Variants in NFIB observed in about 807,000 individuals in gnomAD.
NFIB encodes nuclear factor 1 B-type.
A neutral mutation model predicts 61.5 loss-of-function variants in NFIB; 11 were observed. The observed-to-expected ratio is 0.18, with a 90% CI of 0.11 to 0.30. The LOEUF (loss-of-function observed/expected upper bound fraction) is 0.30, where lower values mean the gene tolerates loss of function less well. Ranked by LOEUF, NFIB falls within the 10% of genes least tolerant of loss-of-function variation. The pLI is 1.00. For synonymous variants in NFIB, 260 were observed against 216.5 expected (o/e 1.20, Z -1.76); for missense variants, 471 against 608.9 (o/e 0.77, Z 2.38).
chr9:14,471,054 T>A, the NFIB span, among the ~76,000 whole-genome samples: 1 of 152,242 alleles, frequency 6.6e-6, no homozygotes, highest in Admixed American at 6.5e-5. Context: ...TCCATATGTA[T>A]TGATATTCTT....
chr9:14,177,746 G>C (rs895653831), intron 3 of NFIB, among the ~76,000 whole-genome samples: 1 of 152,080 alleles, frequency 6.6e-6, no homozygotes, highest in African/African-American at 2.4e-5. Flanking sequence ...AAAAAGGTTT[G>C]AGTTCCAAGG....
chr9:14,402,238 T>C (rs1044923359), upstream of NFIB, among the ~76,000 whole-genome samples: 3 of 152,192 alleles, frequency 2.0e-5, no homozygotes, highest in African/African-American at 7.2e-5. Flanking sequence ...CATTGCCACC[T>C]CAAACTACAT....
At chr9:14,153,489 C>T (rs1342078193) in intron 4 of NFIB, among the ~76,000 whole-genome samples, 4 of 152,084 alleles carry the variant, frequency 2.6e-5, no homozygotes, top group African/African-American at 4.8e-5. Context: ...CCGATATCCT[C>T]TTAGAAATGA....
chr9:14,416,718 A>T, the NFIB span, among the ~76,000 whole-genome samples: 6 of 151,960 alleles, frequency 3.9e-5, no homozygotes, highest in African/African-American at 1.4e-4. Context: ...AAAAAATTTT[A>T]ATATAAATGT....
At chr9:14,372,064 T>A (rs571443292) in intron 1 of NFIB, among the ~76,000 whole-genome samples, 2 of 151,080 alleles carry the variant, frequency 1.3e-5, no homozygotes, top group African/African-American at 2.4e-5. Flanking sequence ...GTAAGGACCA[T>A]CCCAATCTCA....
chr9:14,299,005 G>C (rs1283184185), intron 2 of NFIB, among the ~76,000 whole-genome samples: 1 of 152,180 alleles, frequency 6.6e-6, no homozygotes, highest in East Asian at 1.9e-4. Flanking sequence ...AGAAACTGCA[G>C]ATGTCAGAAT....
intron 2 of NFIB, among the ~76,000 whole-genome samples, chr9:14,227,838 G>A (rs534439166): frequency 4.6e-5 from 7 of 152,212 alleles, no homozygotes; most frequent in African/African-American, 1.2e-4. Flanking sequence ...CTGCAGAGAG[G>A]AACCTTCTGA....
At chr9:14,133,675 A>G (rs929745566) in intron 6 of NFIB, among the ~76,000 whole-genome samples, 1 of 152,172 alleles carries the variant, frequency 6.6e-6, no homozygotes, top group Non-Finnish European at 1.5e-5. Context: ...CCTGGGATAA[A>G]CAGTGTTGAA....
At chr9:14,151,662 T>C (rs1010876474) in intron 4 of NFIB, among the ~76,000 whole-genome samples, 34 of 152,134 alleles carry the variant, frequency 2.2e-4, no homozygotes, top group African/African-American at 8.2e-4. Context: ...AGGGAGGTCA[T>C]TCTAAACAGG....
At chr9:14,133,930 G>GGAGA (rs34154736) in intron 6 of NFIB, among the ~76,000 whole-genome samples, 36 of 151,928 alleles carry the variant, frequency 2.4e-4, no homozygotes, top group African/African-American at 8.5e-4. Flanking sequence ...GAGGAAGAAA[G>GGAGA]GAGAGAGAGA....
intron 2 of NFIB, chr9:14,300,370 A>G (rs1031372603): frequency 3.8e-5 from 15 of 396,418 alleles, no homozygotes; most frequent in Non-Finnish European, 4.0e-5. Flanking sequence ...TGCTTTGAAC[A>G]TTATGTTGGC....
Position 14,086,152 on chromosome 9 carries a change from T to C in NFIB, c.*2157A>G, listed in dbSNP as rs1477929279. 4.5e-6 allele frequency: 1 copy of C among 224,268 alleles called. No individual in the cohort carries two copies. The highest frequency in any genetic ancestry group is 6.4e-5 in the East Asian group (1 of 15,578). 13.9% of individuals were successfully genotyped at this position (224,268 alleles called of 1,614,324 possible). A position where few individuals can be genotyped will look rare whatever the true frequency, so the allele number is the denominator to read the frequency against. ...CTGTGTAAGTTGAAGTTTGTCACAG[T>C]AGGCAGAACAGTCGCTTTGCAGCCC... On this transcript the variant is annotated 3_prime_UTR_variant, in exon 11 of 11. Coordinates refer to ENST00000380953, the MANE Select transcript of NFIB (RefSeq NM_001190737.2).
intron 4 of NFIB, among the ~76,000 whole-genome samples, chr9:14,152,083 A>AT (rs1197539750): frequency 1.2e-4 from 19 of 152,270 alleles, no homozygotes; most frequent in African/African-American, 4.3e-4. Flanking sequence ...TACAAGCTTT[A>AT]TCACAGAGAA....
At chr9:14,273,914 T>C (rs1022312995) in intron 2 of NFIB, among the ~76,000 whole-genome samples, 13 of 152,174 alleles carry the variant, frequency 8.5e-5, no homozygotes, top group African/African-American at 2.9e-4. Flanking sequence ...TACAACATAA[T>C]GTGACACTCA....
chr9:14,085,019 A>G lies in NFIB; in HGVS notation c.*3290T>C. The stretch of plus-strand genomic sequence containing the variant: ...AAATACTGTGTGTCCTGTGAGGTTC[A>G]TTTGTTCACCTAATAGGTCAAAGAT... On this transcript the variant is annotated 3_prime_UTR_variant, in exon 11 of 11. Coordinates refer to ENST00000380953, the MANE Select transcript of NFIB (RefSeq NM_001190737.2). The G allele has an allele frequency of 8.7e-6, 2 of 228,698 alleles. No homozygotes were observed. Among genetic ancestry groups the G allele is most frequent in the East Asian group, 1.2e-4 (2 of 16,018 alleles). The allele number at this position is 228,698 out of a possible 1,614,324, so 14.2% of individuals were successfully genotyped here.
chr9:14,122,364 T>C (rs1189100016), intron 7 of NFIB, among the ~76,000 whole-genome samples: 1 of 152,150 alleles, frequency 6.6e-6, no homozygotes, highest in African/African-American at 2.4e-5. Flanking sequence ...GTTCTTACAA[T>C]GCAGATCCCT....
At chr9:14,290,382 A>G (rs917432104) in intron 2 of NFIB, among the ~76,000 whole-genome samples, 1 of 152,100 alleles carries the variant, frequency 6.6e-6, no homozygotes, top group Admixed American at 6.6e-5. Flanking sequence ...AGTCTTCTGG[A>G]AAGCTCAGAG....
At chr9:14,414,398 G>A in the NFIB span, among the ~76,000 whole-genome samples, 1 of 139,476 alleles carries the variant, frequency 7.2e-6, no homozygotes, top group Non-Finnish European at 1.5e-5. Flanking sequence ...TTGCACCACT[G>A]CACTCCAGCC....
chr9:14,125,181 G>T (rs898902747), intron 7 of NFIB, among the ~76,000 whole-genome samples: 1 of 151,978 alleles, frequency 6.6e-6, no homozygotes, highest in African/African-American at 2.4e-5. Context: ...TTTTTGAGAT[G>T]GAGTCTCACT....
Sources: allele counts gnomAD v4.1 joint callset (sites outside exome capture counted in the v4.1 genomes callset), GRCh38; gene constraint gnomAD v4.1.1; transcripts MANE v1.5; gene names NCBI Gene and HGNC (gene_info 2026-07-23, HGNC 2026-07-21).